The following INPP5D variants were observed in gnomAD, a reference collection of about 807,000 sequenced individuals.
INPP5D encodes the protein phosphatidylinositol 3,4,5-trisphosphate 5-phosphatase 1.
In INPP5D, 33 loss-of-function variants were observed where a neutral mutation model predicts 122.9. The observed-to-expected ratio is 0.27, with a 90% CI of 0.20 to 0.36. The LOEUF is 0.36. Ranked by LOEUF, INPP5D falls within the 10% of genes least tolerant of loss-of-function variation. The probability of loss-of-function intolerance (pLI) is 1.00; values close to 1 mark genes in which losing one functional copy is unlikely to be tolerated. For synonymous variants in INPP5D, 584 were observed against 576.2 expected (o/e 1.01, Z -0.19); for missense variants, 1,053 against 1,412.7 (o/e 0.75, Z 4.08).
chr2:233,173,119 G>T (rs779904242), intron 17 of INPP5D, among the ~76,000 whole-genome samples: 8 of 150,910 alleles, frequency 5.3e-5, no homozygotes, highest in Non-Finnish European at 1.2e-4. Flanking sequence ...TGAGGCAAGA[G>T]AATCGCTTGA....
intron 2 of INPP5D, among the ~76,000 whole-genome samples, chr2:233,120,008 G>A (rs891529986): frequency 3.7e-4 from 57 of 152,336 alleles, no homozygotes; most frequent in African/African-American, 1.2e-3. Flanking sequence ...CAGGCCAGAT[G>A]CCACCTGCTC....
chr2:233,169,529 C>A, intron 14 of INPP5D, 128 bp downstream of exon 14: 1 of 1,398,314 alleles, frequency 7.2e-7, no homozygotes, highest in African/African-American at 1.4e-5. Flanking sequence ...TGTGGCCTTT[C>A]AGGGCCCACC....
At chr2:233,187,897 A>C (rs1210963913) in intron 21 of INPP5D, among the ~76,000 whole-genome samples, 2 of 152,074 alleles carry the variant, frequency 1.3e-5, no homozygotes, top group African/African-American at 4.8e-5. Flanking sequence ...AAAAGAGAGC[A>C]GCACCCCATT....
intron 21 of INPP5D, among the ~76,000 whole-genome samples, chr2:233,187,470 G>A (rs35060000): frequency 0.094 from 14,384 of 152,286 alleles, 750 homozygotes; most frequent in South Asian, 0.14. Flanking sequence ...TAAGCAGGCA[G>A]AGGGACCATT....
At chr2:233,149,123 A>C (rs1693853739) in intron 9 of INPP5D, among the ~76,000 whole-genome samples, 1 of 63,554 alleles carries the variant, frequency 1.6e-5, no homozygotes, top group African/African-American at 7.4e-5. Flanking sequence ...TTTTTTTTTG[A>C]GACAAAGTCT....
At chr2:233,062,324 C>T (rs1350242829) in intron 1 of INPP5D, among the ~76,000 whole-genome samples, 2 of 152,288 alleles carry the variant, frequency 1.3e-5, no homozygotes, top group African/African-American at 2.4e-5. Flanking sequence ...TCTCTGACTC[C>T]GAGCCGTGAG....
intron 2 of INPP5D, among the ~76,000 whole-genome samples, chr2:233,080,648 T>TTTGAAACTGAA (rs1691660476): frequency 6.6e-6 from 1 of 152,002 alleles, no homozygotes. Flanking sequence ...AGAGGCAGGG[T>TTTGAAACTGAA]ACACTCTTCA....
chr2:233,194,095 C>T (rs1388720989), intron 23 of INPP5D, 134 bp downstream of exon 23: 1 of 1,364,958 alleles, frequency 7.3e-7, no homozygotes, highest in African/African-American at 1.5e-5. Context: ...TGGAAAAGAT[C>T]TCAGACAATC....
chr2:233,145,587 G>A (rs1473833534), intron 6 of INPP5D, among the ~76,000 whole-genome samples: 3 of 152,176 alleles, frequency 2.0e-5, no homozygotes, highest in Non-Finnish European at 4.4e-5. Context: ...TGAATGATGA[G>A]GAGTTGCCCC....
At chr2:233,117,488 G>T (rs1213464786) in intron 2 of INPP5D, among the ~76,000 whole-genome samples, 2 of 152,276 alleles carry the variant, frequency 1.3e-5, no homozygotes, top group East Asian at 3.9e-4. Context: ...GGGATCTACT[G>T]CCCTGCTCGC....
chr2:233,170,567 C>A lies in INPP5D; in HGVS notation c.1863C>A (p.Leu621=). 6.2e-7 allele frequency: 1 copy of A among 1,613,646 alleles called. No individual in the cohort carries two copies. Among genetic ancestry groups the A allele is most frequent in the South Asian group, 1.1e-5 (1 of 91,046 alleles). ...ACCTCCTGTCCCACGACCAGCTGCT[C>A]ACAGAGAGGAGGGAGCAGAAGGTCT... ...YADLLSHDQL[L]TERREQKVFL... is the part of the protein sequence containing the mutation. The change falls in exon 16 of 27, where the codon CTC becomes CTA. Residue 621 remains leucine (L), a synonymous_variant. Transcript: ENST00000445964. The surrounding 1 kb of genome is among the most constrained non-coding windows in gnomAD (Gnocchi z 4.5).
chr2:233,194,520 C>T (rs1365589059), intron 23 of INPP5D, among the ~76,000 whole-genome samples: 1 of 115,768 alleles, frequency 8.6e-6, no homozygotes. Context: ...TTTTTTGGGA[C>T]AGAGTCTCAC....
chr2:233,185,835 T>TC lies in INPP5D; in HGVS notation c.2276-6dup. On this transcript the variant is annotated splice_polypyrimidine_tract_variant and splice_region_variant and intron_variant, in intron 20 of 26. Coordinates refer to ENST00000445964, the MANE Select transcript of INPP5D (RefSeq NM_001017915.3). ...TTTCTGAAAACCAGCCTTTTTGTCC[T>TC]CCAACAGGTTTTGTCAAGAGTCAGG... The TC allele has an allele frequency of 6.3e-7, 1 of 1,596,254 alleles. No individual in the cohort carries two copies. Among genetic ancestry groups the TC allele is most frequent in the Non-Finnish European group, 8.5e-7 (1 of 1,170,998 alleles).
At chr2:233,142,208 T>C (rs906240510) in intron 6 of INPP5D, among the ~76,000 whole-genome samples, 2 of 152,228 alleles carry the variant, frequency 1.3e-5, no homozygotes, top group African/African-American at 2.4e-5. Context: ...GGGTGGGTCA[T>C]GCTGCCACAC....
intron 2 of INPP5D, among the ~76,000 whole-genome samples, chr2:233,086,542 G>A (rs1230654722): frequency 6.6e-6 from 1 of 152,096 alleles, no homozygotes; most frequent in Non-Finnish European, 1.5e-5. Context: ...CTCTGCTGCT[G>A]CCTTGTAACC....
At chr2:233,181,061 C>G (rs1017392535) in intron 18 of INPP5D, among the ~76,000 whole-genome samples, 3 of 152,184 alleles carry the variant, frequency 2.0e-5, no homozygotes, top group African/African-American at 7.2e-5. Context: ...TCCTGCCTAG[C>G]CTTTGCCCCT....
At position 233,200,288 on chromosome 2, in the gene INPP5D, T is replaced by TG. The variant is rs544974603; in HGVS notation, c.2975+1916dup. On this transcript the variant is annotated intron_variant, in intron 25 of 26. Coordinates refer to ENST00000445964, the MANE Select transcript of INPP5D (RefSeq NM_001017915.3). The stretch of plus-strand genomic sequence containing the variant: ...CATGGGTACCTCGTGGATACACAAG[T>TG]GGGGAGCTCTACATGTTTCTAGTAG... Among the ~76,000 whole-genome samples, 4 of 152,290 alleles carry TG rather than the reference T, an allele frequency of 2.6e-5. No individual in the cohort carries two copies. The East Asian group carries it at 7.7e-4, about 29-fold the overall frequency.
chr2:233,137,857 T>A lies in INPP5D; in HGVS notation c.666-1985T>A, dbSNP rs1218916252. 2.9e-3 allele frequency among the ~76,000 whole-genome samples: 69 copies of A among 23,842 alleles called. 6 individuals are homozygous for A. The highest frequency in any genetic ancestry group is 5.7e-3 in the African/African-American group (37 of 6,502). 15.6% of individuals were successfully genotyped at this position (23,842 alleles called of 152,430 possible). A position where few individuals can be genotyped will look rare whatever the true frequency, so the allele number is the denominator to read the frequency against. On this transcript the variant is annotated intron_variant, in intron 5 of 26. Transcript: ENST00000445964. ...CAAAAAAAAAAAAAAAAAAAAAATA[T>A]ATATATATATATATATATATATATA...
At chr2:233,136,655 A>G in intron 5 of INPP5D, among the ~76,000 whole-genome samples, 1 of 152,184 alleles carries the variant, frequency 6.6e-6, no homozygotes, top group East Asian at 1.9e-4. Flanking sequence ...TGTACCAACT[A>G]TCTGCAAGGC....
Sources: gnomAD v4.1 joint callset for allele counts (sites outside exome capture counted in the v4.1 genomes callset) on GRCh38, gnomAD v4.1.1 for gene constraint, Gnocchi (gnomAD v3.1) non-coding constraint, MANE v1.5 for transcripts, NCBI Gene and HGNC (gene_info 2026-07-23, HGNC 2026-07-21) for gene names.